Variants in TMEM132E observed in about 807,000 individuals in gnomAD.
The protein encoded by TMEM132E is transmembrane protein 132E.
A neutral mutation model predicts 78.5 loss-of-function variants in TMEM132E; 49 were observed. That is an observed-to-expected ratio of 0.62 (90% CI 0.50 to 0.79). The LOEUF (loss-of-function observed/expected upper bound fraction) is 0.79, where lower values mean the gene tolerates loss of function less well. Among genes scored for constraint, TMEM132E ranks in the 30% least tolerant of loss-of-function variants. The pLI is 0.00. For missense variants in TMEM132E, 1,403 were observed against 1,470.9 expected, an observed-to-expected ratio of 0.95 and a Z score of 0.75; for synonymous variants, 715 against 670.6, an observed-to-expected ratio of 1.07 and a Z score of -1.02.
At chr17:34,612,816 TG>T (rs1906634398) in intron 1 of TMEM132E, among the ~76,000 whole-genome samples, 1 of 150,696 alleles carries the variant, frequency 6.6e-6, no homozygotes, top group South Asian at 2.1e-4. Flanking sequence ...ACCTCAGCTG[TG>T]TGTTTTGGGG....
At chr17:34,616,668 G>A (rs768794772) in intron 1 of TMEM132E, among the ~76,000 whole-genome samples, 26 of 152,282 alleles carry the variant, frequency 1.7e-4, no homozygotes, top group Middle Eastern at 3.4e-3. Flanking sequence ...CTGCAGCTTC[G>A]TGGTGGGGAA....
chr17:34,637,361 CAGAGCTAACCATCGCTG>C lies in TMEM132E; in HGVS notation c.2361_2377del (p.Thr788ProfsTer30). On this transcript the variant is annotated frameshift_variant, in exon 9 of 9. Coordinates refer to ENST00000631683, the MANE Select transcript of TMEM132E (RefSeq NM_001304438.2). LOFTEE classifies it high-confidence loss of function. ...GAGGGGTCAGGGGAGCTGCTTCGCG[CAGAGCTAACCATCGCTG>C]AGAGCTGCCAGAAAACCAAACGCAA... 2 of 1,613,986 alleles carry C rather than the reference CAGAGCTAACCATCGCTG, an allele frequency of 1.2e-6. No individual in the cohort carries two copies. The highest frequency in any genetic ancestry group is 8.5e-7 in the Non-Finnish European group (1 of 1,180,050).
chr17:34,626,528 G>A lies in TMEM132E; in HGVS notation c.469G>A (p.Gly157Ser). 6.2e-7 allele frequency: 1 copy of A among 1,602,832 alleles called. No individual in the cohort carries two copies. The highest frequency in any genetic ancestry group is 1.7e-4 in the Middle Eastern group (1 of 6,046). ...YVAGRDWDDF[G>S]VTERLPCVRL... is the part of the protein sequence containing the mutation. ...AGCCGGCCGGGACTGGGACGACTTCGGCGTCACCGAGCGGCTGCCCTGTGT... is the reference window on the plus strand; with the variant it reads ...AGCCGGCCGGGACTGGGACGACTTCAGCGTCACCGAGCGGCTGCCCTGTGT... The change falls in exon 2 of 9, where the codon GGC (glycine) becomes AGC (serine). Residue 157 changes from glycine to serine, a missense_variant. Gly to Ser is a moderately conservative substitution (Grantham distance 56). Around this residue, in one of 3 missense-constraint regions of TMEM132E, gnomAD observed 511 missense variants for 499.0 expected, o/e 1.02. Transcript: ENST00000631683.
chr17:34,606,907 T>C (rs1268719618), intron 1 of TMEM132E, among the ~76,000 whole-genome samples: 1 of 152,170 alleles, frequency 6.6e-6, no homozygotes, highest in Non-Finnish European at 1.5e-5. Context: ...CTGGCCTCCT[T>C]CCTTTCCTCC....
chr17:34,582,476 C>G (rs553239238), intron 1 of TMEM132E, among the ~76,000 whole-genome samples: 1 of 150,868 alleles, frequency 6.6e-6, no homozygotes, highest in South Asian at 2.1e-4. Flanking sequence ...AGACCTCCCT[C>G]TATGGGTGGC....
intron 1 of TMEM132E, among the ~76,000 whole-genome samples, chr17:34,589,291 G>C (rs1905779309): frequency 6.6e-6 from 1 of 152,108 alleles, no homozygotes; most frequent in Admixed American, 6.5e-5. Flanking sequence ...GAGGCCAGCG[G>C]GGCAGAGCAC....
intron 1 of TMEM132E, among the ~76,000 whole-genome samples, chr17:34,612,693 A>C (rs574858619): frequency 6.6e-6 from 1 of 152,234 alleles, no homozygotes; most frequent in South Asian, 2.1e-4. Flanking sequence ...CCTCCAGCTC[A>C]GGTCTGGGAT....
In TMEM132E at chr17:34,638,530, A is replaced by C; in HGVS notation, c.*298A>C. On this transcript the variant is annotated 3_prime_UTR_variant, in exon 9 of 9. Transcript: ENST00000631683. Reference sequence around the variant, plus strand: ...TCCAAACCTCCTCCCATCTTAAGCAACCCCCTGCCCCAAGAGTGAGGCAAG... The same window carrying C: ...TCCAAACCTCCTCCCATCTTAAGCACCCCCCTGCCCCAAGAGTGAGGCAAG... 6.5e-6 allele frequency: 2 copies of C among 309,670 alleles called. No homozygotes were observed. The highest frequency in any genetic ancestry group is 1.2e-5 in the Non-Finnish European group (2 of 169,200). 19.2% of individuals were successfully genotyped at this position (309,670 alleles called of 1,614,324 possible).
At chr17:34,588,867 C>G (rs1293029486) in intron 1 of TMEM132E, among the ~76,000 whole-genome samples, 1 of 152,156 alleles carries the variant, frequency 6.6e-6, no homozygotes, top group African/African-American at 2.4e-5. Flanking sequence ...GATTCTCCTG[C>G]CTCAGCCTCC....
rs79883914 is a variant in TMEM132E at position 34,628,606 on chromosome 17, C to T, written c.1042C>T (p.Arg348Trp). 6 of 1,613,828 alleles carry T rather than the reference C, an allele frequency of 3.7e-6. No individual in the cohort carries two copies. The highest frequency in any genetic ancestry group is 1.1e-5 in the South Asian group (1 of 91,062). The change falls in exon 3 of 9, where the codon CGG becomes TGG. Residue 348 changes from arginine (R) to tryptophan (W), a missense_variant. Transcript: ENST00000631683. ...KGVTLLGTKS[R>W]SGQWHVTSEL... The stretch of plus-strand genomic sequence containing the variant: ...TGTGACCCTTTTAGGTACCAAGTCA[C>T]GGAGTGGCCAGTGGCATGTGACCTC...
At chr17:34,615,517 ATGTGTG>A (rs3048841) in intron 1 of TMEM132E, among the ~76,000 whole-genome samples, 109 of 140,878 alleles carry the variant, frequency 7.7e-4, no homozygotes, top group African/African-American at 1.9e-3. Context: ...ACTGGCACAG[ATGTGTG>A]TGTGTGTGTG....
At chr17:34,590,334 C>A (rs561938752) in intron 1 of TMEM132E, among the ~76,000 whole-genome samples, 1 of 152,378 alleles carries the variant, frequency 6.6e-6, no homozygotes, top group Non-Finnish European at 1.5e-5. Context: ...CACTCTCACC[C>A]TTTCCCTACA....
intron 1 of TMEM132E, among the ~76,000 whole-genome samples, chr17:34,620,148 T>C (rs1463936696): frequency 6.6e-6 from 1 of 152,180 alleles, no homozygotes; most frequent in Non-Finnish European, 1.5e-5. Flanking sequence ...GATTCATTTA[T>C]GTGCCCAATA....
intron 1 of TMEM132E, among the ~76,000 whole-genome samples, chr17:34,586,707 C>T (rs1905693249): frequency 6.6e-6 from 1 of 151,998 alleles, no homozygotes; most frequent in Non-Finnish European, 1.5e-5. Flanking sequence ...TGCTGGCTAG[C>T]AGACAACCCA....
In TMEM132E at chr17:34,603,680, T is replaced by G. The variant is rs116068441; in HGVS notation, c.68-22447T>G. Among the ~76,000 whole-genome samples, 1,149 of 152,242 alleles carry G rather than the reference T, an allele frequency of 7.5e-3. 20 individuals carry two copies. The highest frequency in any genetic ancestry group is 0.026 in the African/African-American group (1,091 of 41,544). On this transcript the variant is annotated intron_variant, in intron 1 of 8. Transcript: ENST00000631683. Reference sequence around the variant, plus strand: ...GGCAGGGTCCTCCTCTGGCCAGCTCTTCCCCCTGGGTGTTCCTGTCCTCCC... The same window carrying G: ...GGCAGGGTCCTCCTCTGGCCAGCTCGTCCCCCTGGGTGTTCCTGTCCTCCC...
chr17:34,604,111 A>G (rs1376796020), intron 1 of TMEM132E, among the ~76,000 whole-genome samples: 1 of 152,100 alleles, frequency 6.6e-6, no homozygotes. Context: ...AATCCTCACA[A>G]CAACAGTACT....
At chr17:34,589,124 A>G (rs1399253285) in intron 1 of TMEM132E, among the ~76,000 whole-genome samples, 1 of 152,248 alleles carries the variant, frequency 6.6e-6, no homozygotes, top group Non-Finnish European at 1.5e-5. Flanking sequence ...GATGCGTAGC[A>G]TTAATACCAA....
intron 1 of TMEM132E, among the ~76,000 whole-genome samples, chr17:34,615,878 G>GGGCT (rs1229647965): frequency 6.6e-6 from 1 of 151,994 alleles, no homozygotes; most frequent in African/African-American, 2.4e-5. Context: ...CATTTAAAGA[G>GGGCT]GGCTGCCTGT....
chr17:34,596,833 G>A (rs1396590988), intron 1 of TMEM132E, among the ~76,000 whole-genome samples: 1 of 117,880 alleles, frequency 8.5e-6, no homozygotes, highest in East Asian at 2.5e-4. Flanking sequence ...AATGATTTCT[G>A]TAAATTGCTC....
Sources: allele counts gnomAD v4.1 joint callset (sites outside exome capture counted in the v4.1 genomes callset), GRCh38; gene constraint gnomAD v4.1.1; regional missense constraint gnomAD v4.1.1; transcripts MANE v1.5; gene names NCBI Gene and HGNC (gene_info 2026-07-23, HGNC 2026-07-21).